Variants in CDC14B observed in about 807,000 individuals in gnomAD.
CDC14B encodes the protein cell division cycle 14B, also known as dual specificity protein phosphatase CDC14B.
CDC14B carries 22 observed loss-of-function variants against 64.2 expected under a neutral mutation model. The observed-to-expected ratio is 0.34, with a 90% CI of 0.24 to 0.49. CDC14B has a LOEUF of 0.49. CDC14B is among the 20% of genes least tolerant of loss of function. The pLI, the probability that CDC14B is intolerant of heterozygous loss-of-function variation, is 0.99. For missense variants in CDC14B, 498 were observed against 629.9 expected (o/e 0.79, Z 2.24); for synonymous variants, 191 against 215.8 (o/e 0.89, Z 1.01).
At chr9:96,601,302 T>C (rs1042498133) in intron 1 of CDC14B, among the ~76,000 whole-genome samples, 1 of 151,968 alleles carries the variant, frequency 6.6e-6, no homozygotes, top group Non-Finnish European at 1.5e-5. Flanking sequence ...ATTGAGACCA[T>C]CCTGGCCAAC....
At chr9:96,531,253 T>C (rs1473052088) in intron 9 of CDC14B, among the ~76,000 whole-genome samples, 1 of 152,218 alleles carries the variant, frequency 6.6e-6, no homozygotes, top group Non-Finnish European at 1.5e-5. Flanking sequence ...AATTTACTGG[T>C]GATGCTATCA....
At chr9:96,545,370 T>C (rs571745672) in intron 5 of CDC14B, among the ~76,000 whole-genome samples, 3 of 148,928 alleles carry the variant, frequency 2.0e-5, no homozygotes, top group Non-Finnish European at 4.4e-5. Context: ...CTGGAGTGAG[T>C]GCAGTGGCGC....
At chr9:96,559,137 T>C (rs1842847639) in intron 4 of CDC14B, among the ~76,000 whole-genome samples, 1 of 152,320 alleles carries the variant, frequency 6.6e-6, no homozygotes, top group Admixed American at 6.5e-5. Flanking sequence ...ACCTCTTCTG[T>C]TTTTAAGATA....
chr9:96,613,152 T>C (rs1301971855), intron 1 of CDC14B, among the ~76,000 whole-genome samples: 1 of 152,240 alleles, frequency 6.6e-6, no homozygotes, highest in Non-Finnish European at 1.5e-5. Context: ...CTCTGGCCCT[T>C]TGGCTTCTTC....
At chr9:96,566,731 G>A in intron 1 of CDC14B, 1 of 1,583,630 alleles carries the variant, frequency 6.3e-7, no homozygotes, top group Non-Finnish European at 8.6e-7. Flanking sequence ...CGCGGGTGCC[G>A]GAGCCCCCAG....
Position 96,606,525 on chromosome 9 carries a change from GTT to G in CDC14B, c.160+12692_160+12693del, listed in dbSNP as rs1491517489. On this transcript the variant is annotated intron_variant, in intron 1 of 13. Coordinates refer to ENST00000375241, the MANE Select transcript of CDC14B (RefSeq NM_033331.4). ...GAATGAGATCTCATCTCTACTAAAA[GTT>G]TGTGTGTGTGTGTGTGTGTGTGTGT... 5.3e-5 allele frequency among the ~76,000 whole-genome samples: 6 copies of G among 113,928 alleles called. No individual in the cohort carries two copies. The South Asian group carries it at 1.2e-3, about 23-fold the overall frequency. 74.7% of individuals were successfully genotyped at this position (113,928 alleles called of 152,430 possible).
At chr9:96,600,510 T>G (rs886777125) in intron 1 of CDC14B, among the ~76,000 whole-genome samples, 2 of 144,118 alleles carry the variant, frequency 1.4e-5, no homozygotes, top group African/African-American at 2.6e-5. Context: ...GAGCTTGTGG[T>G]TTTTTTTTTT....
At chr9:96,589,683 G>A (rs2118563580) in intron 1 of CDC14B, among the ~76,000 whole-genome samples, 1 of 152,224 alleles carries the variant, frequency 6.6e-6, no homozygotes, top group African/African-American at 2.4e-5. Context: ...TTTAGGCCGG[G>A]CACGGTGGCT....
Position 96,534,519 on chromosome 9 carries a change from A to G in CDC14B, c.651T>C (p.Asn217=), listed in dbSNP as rs763686078. ...HYEKAENGDL[N]WIIPDRFIAF... is the part of the protein sequence containing the mutation. ...CAATAAATCGGTCTGGTATTATCCA[A>G]TTTAAATCTCCATTTTCTGCTTTCT... Residue 217 remains asparagine (N), a synonymous_variant, in exon 8 of 14, where the codon AAT becomes AAC. Transcript: ENST00000375241. 9.3e-6 allele frequency: 15 copies of G among 1,613,134 alleles called. No homozygotes were observed. The highest frequency in any genetic ancestry group is 5.3e-5 in the African/African-American group (4 of 74,908).
intron 12 of CDC14B, among the ~76,000 whole-genome samples, 188 bp from the exon 13 acceptor site, chr9:96,509,977 T>G (rs762197809): frequency 1.3e-5 from 2 of 152,240 alleles, no homozygotes; most frequent in Non-Finnish European, 2.9e-5. Context: ...AAGCATCTCG[T>G]TTCTCTTTGA....
At chr9:96,608,083 G>T in intron 1 of CDC14B, among the ~76,000 whole-genome samples, 1 of 152,188 alleles carries the variant, frequency 6.6e-6, no homozygotes. Flanking sequence ...GCGGCACCAG[G>T]TTGTACCTTG....
chr9:96,566,500 T>C (rs920811285), intron 1 of CDC14B, among the ~76,000 whole-genome samples: 2 of 152,210 alleles, frequency 1.3e-5, no homozygotes, highest in Admixed American at 6.5e-5. Context: ...ACAAGGACCT[T>C]TGATCCCTGT....
chr9:96,566,740 AG>A, intron 1 of CDC14B: 1 of 1,594,348 alleles, frequency 6.3e-7, no homozygotes, highest in Non-Finnish European at 8.5e-7. Flanking sequence ...CGGAGCCCCC[AG>A]GGGAAGCCCC....
intron 1 of CDC14B, chr9:96,566,723 C>G: frequency 6.4e-7 from 1 of 1,565,540 alleles, no homozygotes; most frequent in Non-Finnish European, 8.7e-7. Flanking sequence ...TGTCCCAGCG[C>G]GGGTGCCGGA....
intron 1 of CDC14B, among the ~76,000 whole-genome samples, chr9:96,571,598 A>G (rs183098278): frequency 2.6e-5 from 4 of 152,326 alleles, no homozygotes; most frequent in Admixed American, 2.6e-4. Context: ...TTATCACAAC[A>G]GATAAAATGT....
At chr9:96,516,413 T>C (rs997628644) in intron 12 of CDC14B, among the ~76,000 whole-genome samples, 3 of 152,208 alleles carry the variant, frequency 2.0e-5, no homozygotes, top group African/African-American at 7.2e-5. Flanking sequence ...CTTAGTTGTT[T>C]TCCACACTCA....
At chr9:96,510,221 TGTAA>T (rs1362517250) in intron 12 of CDC14B, among the ~76,000 whole-genome samples, 1 of 152,232 alleles carries the variant, frequency 6.6e-6, no homozygotes, top group Non-Finnish European at 1.5e-5. Context: ...TCTTCAAAGC[TGTAA>T]GTATGGGTAA....
intron 9 of CDC14B, among the ~76,000 whole-genome samples, chr9:96,527,128 G>A (rs553562512): frequency 1.2e-4 from 19 of 152,124 alleles, no homozygotes; most frequent in South Asian, 6.2e-4. Context: ...TATTGGGGCC[G>A]GGTGCGGTGG....
chr9:96,547,254 C>T (rs1200016630), intron 5 of CDC14B, among the ~76,000 whole-genome samples: 4 of 151,548 alleles, frequency 2.6e-5, no homozygotes, highest in African/African-American at 7.3e-5. Flanking sequence ...CACCTGAGGT[C>T]GGGAGTTCAA....
Sources: gnomAD v4.1 joint callset for allele counts (sites outside exome capture counted in the v4.1 genomes callset) on GRCh38, gnomAD v4.1.1 for gene constraint, MANE v1.5 for transcripts, NCBI Gene and HGNC (gene_info 2026-07-23, HGNC 2026-07-21) for gene names.